DOK5: variants seen among roughly 807,000 people sequenced by gnomAD.
DOK5 encodes docking protein 5.
DOK5 carries 27 observed loss-of-function variants against 43.3 expected under a neutral mutation model. The ratio of observed to expected loss-of-function variants is 0.62; its 90% CI spans 0.46 to 0.86. The LOEUF (loss-of-function observed/expected upper bound fraction) is 0.86, where lower values mean the gene tolerates loss of function less well. Among genes scored for constraint, DOK5 ranks in the 40% least tolerant of loss-of-function variants. The pLI, the probability that DOK5 is intolerant of heterozygous loss-of-function variation, is 0.00. For missense variants in DOK5, 373 were observed against 392.9 expected, an observed-to-expected ratio of 0.95 and a Z score of 0.43; for synonymous variants, 146 against 140.1, an observed-to-expected ratio of 1.04 and a Z score of -0.30.
intron 2 of DOK5, among the ~76,000 whole-genome samples, chr20:54,559,901 C>A (rs896997886): frequency 6.6e-6 from 1 of 152,240 alleles, no homozygotes; most frequent in Admixed American, 6.5e-5. Flanking sequence ...GAACAACTCT[C>A]TAACTGTAGA....
intron 6 of DOK5, among the ~76,000 whole-genome samples, chr20:54,632,615 A>G: frequency 6.6e-6 from 1 of 152,348 alleles, no homozygotes; most frequent in East Asian, 1.9e-4. Context: ...TATTAGTGGC[A>G]GATTCTAGAC....
chr20:54,534,159 A>G (rs1983873095), intron 1 of DOK5, among the ~76,000 whole-genome samples: 1 of 152,196 alleles, frequency 6.6e-6, no homozygotes, highest in Non-Finnish European at 1.5e-5. Context: ...AGCAGGGCTT[A>G]GGAGAGAGAT....
intron 2 of DOK5, among the ~76,000 whole-genome samples, chr20:54,575,439 T>C (rs1365073260): frequency 2.6e-5 from 4 of 152,142 alleles, no homozygotes; most frequent in Non-Finnish European, 5.9e-5. Context: ...GAGACAACCC[T>C]GTTATTTTAT....
intron 2 of DOK5, among the ~76,000 whole-genome samples, chr20:54,575,545 A>G (rs906522335): frequency 1.3e-5 from 2 of 152,094 alleles, no homozygotes; most frequent in African/African-American, 4.8e-5. Context: ...GGTTCAAGTG[A>G]TTATCCTGCC....
chr20:54,488,376 A>G (rs1004045527), intron 1 of DOK5, among the ~76,000 whole-genome samples: 7 of 152,206 alleles, frequency 4.6e-5, no homozygotes, highest in Non-Finnish European at 8.8e-5. Context: ...CTTGGCATCC[A>G]TATTCCTTCC....
chr20:54,545,737 A>G (rs1444507526), intron 1 of DOK5, among the ~76,000 whole-genome samples: 1 of 152,244 alleles, frequency 6.6e-6, no homozygotes, highest in Non-Finnish European at 1.5e-5. Context: ...GCAGATTGCT[A>G]GGATACATGG....
chr20:54,497,606 T>C (rs1373860928), intron 1 of DOK5, among the ~76,000 whole-genome samples: 2 of 152,196 alleles, frequency 1.3e-5, no homozygotes, highest in Non-Finnish European at 2.9e-5. Context: ...TGTCCTGACA[T>C]ATTGTGGAGT....
At chr20:54,553,490 C>T (rs990760325) in intron 1 of DOK5, among the ~76,000 whole-genome samples, 22 of 151,948 alleles carry the variant, frequency 1.4e-4, no homozygotes, top group Admixed American at 3.3e-4. Flanking sequence ...CCACCGCGCC[C>T]GGCCTGATTT....
intron 1 of DOK5, among the ~76,000 whole-genome samples, chr20:54,530,244 T>C (rs368854509): frequency 1.8e-4 from 28 of 152,354 alleles, no homozygotes; most frequent in African/African-American, 6.7e-4. Flanking sequence ...TGCTAAAGTC[T>C]CTGTAAGCCT....
intron 1 of DOK5, among the ~76,000 whole-genome samples, chr20:54,540,180 G>A (rs1159730956): frequency 6.6e-6 from 1 of 151,980 alleles, no homozygotes; most frequent in Non-Finnish European, 1.5e-5. Context: ...TACCTATTGG[G>A]TGCATACCAC....
chr20:54,496,062 G>T (rs576688131), intron 1 of DOK5, among the ~76,000 whole-genome samples: 1 of 152,150 alleles, frequency 6.6e-6, no homozygotes, highest in East Asian at 1.9e-4. Flanking sequence ...GAGATTGGAC[G>T]TTTTATTGGC....
At chr20:54,542,107 C>G (rs2426537) in intron 1 of DOK5, among the ~76,000 whole-genome samples, 3,072 of 108,036 alleles carry the variant, frequency 0.028, 22 homozygotes, top group Non-Finnish European at 0.033. Context: ...GATACACACA[C>G]ACACACACAC....
At chr20:54,650,322 C>T in intron 7 of DOK5, 93 bp from the exon 8 acceptor site, 1 of 1,278,152 alleles carries the variant, frequency 7.8e-7, no homozygotes, top group Non-Finnish European at 1.1e-6. Flanking sequence ...AGTACATTTA[C>T]TTATTTCTGT....
chr20:54,513,161 G>A (rs763816559), intron 1 of DOK5, among the ~76,000 whole-genome samples: 2 of 152,142 alleles, frequency 1.3e-5, no homozygotes, highest in African/African-American at 4.8e-5. Flanking sequence ...TTCCTAGAGT[G>A]TACCCAGGGA....
chr20:54,640,989 G>GT (rs1979086279), intron 6 of DOK5, among the ~76,000 whole-genome samples: 1 of 152,138 alleles, frequency 6.6e-6, no homozygotes, highest in Admixed American at 6.5e-5. Flanking sequence ...TGAGGGATAT[G>GT]TTAATTAGCT....
At chr20:54,618,620 G>A (rs1357737420) in intron 6 of DOK5, among the ~76,000 whole-genome samples, 1 of 152,168 alleles carries the variant, frequency 6.6e-6, no homozygotes, top group African/African-American at 2.4e-5. Context: ...TGGGACCACA[G>A]GCATGAGCCA....
chr20:54,478,382 C>T lies in DOK5; in HGVS notation c.66+2370C>T, dbSNP rs372360128. 9.9e-5 allele frequency among the ~76,000 whole-genome samples: 15 copies of T among 152,220 alleles called. No homozygotes were observed. The East Asian group carries it at 1.7e-3, about 18-fold the overall frequency. On this transcript the variant is annotated intron_variant, in intron 1 of 7. Transcript: ENST00000262593. The stretch of plus-strand genomic sequence containing the variant: ...GCTACATATAGTCTAGAACAGCATG[C>T]GACATGTATCTTCTAGGAATATGTG...
intron 1 of DOK5, among the ~76,000 whole-genome samples, chr20:54,515,806 T>C (rs1367979412): frequency 1.3e-5 from 2 of 152,188 alleles, no homozygotes; most frequent in Non-Finnish European, 2.9e-5. Context: ...CCTGGGGAGA[T>C]GCTAGCTACC....
In DOK5 at chr20:54,639,969, G is replaced by A. The variant is rs535503744; in HGVS notation, c.736-3489G>A. 1.2e-4 allele frequency among the ~76,000 whole-genome samples: 19 copies of A among 152,308 alleles called. No individual in the cohort carries two copies. The South Asian group carries it at 2.1e-3, about 17-fold the overall frequency. The stretch of plus-strand genomic sequence containing the variant: ...TCCAGTTCAGGGTCACGGGTGGCCA[G>A]AGCCCACCATCTCTGCAGCTCTGGG... On this transcript the variant is annotated intron_variant, in intron 6 of 7. Coordinates refer to ENST00000262593, the MANE Select transcript of DOK5 (RefSeq NM_018431.5).
Sources: gnomAD v4.1 joint callset for allele counts (sites outside exome capture counted in the v4.1 genomes callset) on GRCh38, gnomAD v4.1.1 for gene constraint, MANE v1.5 for transcripts, NCBI Gene and HGNC (gene_info 2026-07-23, HGNC 2026-07-21) for gene names.